Variants in TMTC1 observed in about 807,000 individuals in gnomAD.
TMTC1 encodes the protein transmembrane O-mannosyltransferase targeting cadherins 1, also known as protein O-mannosyl-transferase TMTC1.
Under a neutral mutation model 104.8 loss-of-function variants are expected in TMTC1, and 73 were observed. The ratio of observed to expected loss-of-function variants is 0.70; its 90% CI spans 0.58 to 0.85. The LOEUF (loss-of-function observed/expected upper bound fraction) is 0.85. TMTC1 is among the 40% of genes least tolerant of loss of function. The pLI, the probability that TMTC1 is intolerant of heterozygous loss-of-function variation, is 0.00. For synonymous variants in TMTC1, 434 were observed against 428.7 expected (o/e 1.01, Z -0.15); for missense variants, 1,035 against 1,096.1 (o/e 0.94, Z 0.79).
intron 10 of TMTC1, among the ~76,000 whole-genome samples, chr12:29,545,759 A>G (rs1251234268): frequency 6.6e-6 from 1 of 151,894 alleles, no homozygotes; most frequent in African/African-American, 2.4e-5. Flanking sequence ...TCTACTTCTG[A>G]TTCATTGCAT....
chr12:29,548,855 T>C (rs866915234), intron 10 of TMTC1, among the ~76,000 whole-genome samples: 1,103 of 89,824 alleles, frequency 0.012, 12 homozygotes, highest in South Asian at 0.025. Context: ...AAATATATAA[T>C]ATATAAATAT....
At chr12:29,622,822 C>A (rs1000116695) in intron 6 of TMTC1, among the ~76,000 whole-genome samples, 1 of 152,124 alleles carries the variant, frequency 6.6e-6, no homozygotes, top group Non-Finnish European at 1.5e-5. Flanking sequence ...AGGCACAGAA[C>A]GAGATAAATT....
rs542957324 is a variant in TMTC1 at position 29,523,897 on chromosome 12, G to T, written c.1786-3177C>A. On this transcript the variant is annotated intron_variant, in intron 11 of 17. Transcript: ENST00000539277. ...TTTTGGTTTGGTCTGGTCTGCTGGG[G>T]CCTATTGTATGAACTCAGTCCAAAA... Among the ~76,000 whole-genome samples the T allele has an allele frequency of 9.2e-5, 14 of 152,020 alleles. No homozygotes were observed. The South Asian group carries it at 2.7e-3, about 29-fold the overall frequency.
intron 2 of TMTC1, among the ~76,000 whole-genome samples, chr12:29,760,443 G>T (rs976204082): frequency 1.3e-5 from 2 of 152,084 alleles, no homozygotes; most frequent in Admixed American, 6.5e-5. Context: ...TAAACCTAGG[G>T]CATGAAAGTT....
chr12:29,532,957 A>G (rs299448), intron 11 of TMTC1: 150,420 of 152,202 alleles, frequency 0.99, 74,361 homozygotes, highest in East Asian at 1. Context: ...CCTATGTACC[A>G]TGGAAATCTT....
intron 7 of TMTC1, among the ~76,000 whole-genome samples, chr12:29,597,355 G>T (rs760183829): frequency 7.3e-5 from 11 of 150,446 alleles, no homozygotes; most frequent in Non-Finnish European, 1.6e-4. Context: ...GATGACAGGT[G>T]TGAGCCACCA....
chr12:29,638,633 C>A (rs2136531115), intron 5 of TMTC1, among the ~76,000 whole-genome samples: 1 of 152,304 alleles, frequency 6.6e-6, no homozygotes, highest in African/African-American at 2.4e-5. Flanking sequence ...GTAACACACA[C>A]CCACTGGTGC....
At chr12:29,596,448 C>A (rs774066186) in intron 7 of TMTC1, among the ~76,000 whole-genome samples, 2 of 152,170 alleles carry the variant, frequency 1.3e-5, no homozygotes, top group Non-Finnish European at 2.9e-5. Flanking sequence ...AAATGCACAG[C>A]CTTTCTCCCT....
intron 5 of TMTC1, among the ~76,000 whole-genome samples, chr12:29,696,107 CTG>C (rs1941416821): frequency 6.6e-6 from 1 of 151,952 alleles, no homozygotes; most frequent in Non-Finnish European, 1.5e-5. Context: ...TTTTAATTAA[CTG>C]TGAAACAATA....
chr12:29,546,804 C>T (rs969310189), intron 10 of TMTC1, among the ~76,000 whole-genome samples: 5 of 152,148 alleles, frequency 3.3e-5, no homozygotes, highest in Admixed American at 3.3e-4. Context: ...ATCGCTTCAG[C>T]CCAGGAGTTT....
Position 29,751,723 on chromosome 12 carries a change from G to A in TMTC1, c.881C>T (p.Pro294Leu). The change falls in exon 5 of 18, where the codon CCA becomes CTA. Residue 294 changes from proline to leucine, a missense_variant. Coordinates refer to ENST00000539277, the MANE Select transcript of TMTC1 (RefSeq NM_001193451.2). ...TGGGAATCCACTGCTCTTGGGTTCT[G>A]GTGGCAGTGGAGAGTGGCAGCCACC... ...AWGGCHSPLP[P>L]EPKSSGFPVS... is the part of the protein sequence containing the mutation. 1 of 1,614,098 alleles carries A rather than the reference G, an allele frequency of 6.2e-7. No individual in the cohort carries two copies. The highest frequency in any genetic ancestry group is 1.6e-4 in the Middle Eastern group (1 of 6,062).
At chr12:29,720,519 A>T (rs1191329986) in intron 5 of TMTC1, among the ~76,000 whole-genome samples, 1 of 152,238 alleles carries the variant, frequency 6.6e-6, no homozygotes, top group Admixed American at 6.5e-5. Flanking sequence ...GCATAACTGA[A>T]ATATTAAATT....
intron 5 of TMTC1, among the ~76,000 whole-genome samples, chr12:29,727,664 C>T (rs1942433111): frequency 6.6e-6 from 1 of 152,196 alleles, no homozygotes; most frequent in African/African-American, 2.4e-5. Context: ...GCGTGAGCCA[C>T]CGTGCCTGGC....
intron 10 of TMTC1, among the ~76,000 whole-genome samples, chr12:29,553,833 T>A (rs1406028576): frequency 6.6e-6 from 1 of 152,234 alleles, no homozygotes; most frequent in Non-Finnish European, 1.5e-5. Flanking sequence ...AGAGCATCCA[T>A]CTTTTGCTCA....
At chr12:29,640,130 C>A (rs537506536) in intron 5 of TMTC1, among the ~76,000 whole-genome samples, 25 of 152,308 alleles carry the variant, frequency 1.6e-4, no homozygotes, top group Middle Eastern at 6.8e-3. Flanking sequence ...TTTCCAAACA[C>A]CCGATGAAAG....
At position 29,527,236 on chromosome 12, in the gene TMTC1, G is replaced by A. The variant is rs368062405; in HGVS notation, c.1786-6516C>T. On this transcript the variant is annotated intron_variant, in intron 11 of 17. Coordinates refer to ENST00000539277, the MANE Select transcript of TMTC1 (RefSeq NM_001193451.2). ...GCATTTATTCCTTGAGGGAGAAGAGGCTCTGTTTTTCAATCAAAAGATCTG... is the reference window on the plus strand; with the variant it reads ...GCATTTATTCCTTGAGGGAGAAGAGACTCTGTTTTTCAATCAAAAGATCTG... Among the ~76,000 whole-genome samples, 7 of 152,324 alleles carry A rather than the reference G, an allele frequency of 4.6e-5. No individual in the cohort carries two copies. The East Asian group carries it at 1.4e-3, about 29-fold the overall frequency.
At chr12:29,586,583 G>C (rs1021671749) in intron 7 of TMTC1, among the ~76,000 whole-genome samples, 1 of 152,000 alleles carries the variant, frequency 6.6e-6, no homozygotes, top group Non-Finnish European at 1.5e-5. Flanking sequence ...GTCATAGATA[G>C]CTCTTATTAT....
chr12:29,702,954 G>A (rs55857213), intron 5 of TMTC1, among the ~76,000 whole-genome samples: 7,915 of 152,106 alleles, frequency 0.052, 370 homozygotes, highest in African/African-American at 0.13. Context: ...AGACCAGACC[G>A]GGCAACATGG....
intron 8 of TMTC1, among the ~76,000 whole-genome samples, chr12:29,580,506 TTGCTCA>T (rs1945948831): frequency 6.6e-6 from 1 of 152,152 alleles, no homozygotes; most frequent in South Asian, 2.1e-4. Context: ...CTCTGTAAGA[TTGCTCA>T]TGGAATGGTC....
Sources: gnomAD v4.1 joint callset for allele counts (sites outside exome capture counted in the v4.1 genomes callset) on GRCh38, gnomAD v4.1.1 for gene constraint, MANE v1.5 for transcripts, NCBI Gene and HGNC (gene_info 2026-07-23, HGNC 2026-07-21) for gene names.